The following DCTN5 variants were observed in gnomAD, a reference collection of about 807,000 sequenced individuals.
DCTN5 encodes the protein dynactin 4.
A neutral mutation model predicts 23.5 loss-of-function variants in DCTN5; 14 were observed. The ratio of observed to expected loss-of-function variants is 0.60; its 90% CI spans 0.39 to 0.93. The LOEUF is 0.93. DCTN5 is among the 40% of genes least tolerant of loss of function. The pLI is 0.00. For synonymous variants in DCTN5, 67 were observed against 79.6 expected (o/e 0.84, Z 0.84); for missense variants, 156 against 225.9 (o/e 0.69, Z 1.98).
rs1959233529 is a variant in DCTN5, at chr16:23,677,141, T to G, written c.*9997T>G. The G allele has an allele frequency of 6.6e-6, 1 of 152,266 alleles. No individual in the cohort carries two copies. The highest frequency in any genetic ancestry group is 2.4e-5 in the African/African-American group (1 of 41,454). 9.4% of individuals were successfully genotyped at this position (152,266 alleles called of 1,614,324 possible). On this transcript the variant is annotated 3_prime_UTR_variant, in exon 6 of 6. Coordinates refer to ENST00000300087, the MANE Select transcript of DCTN5 (RefSeq NM_032486.4). Reference sequence around the variant, plus strand: ...GCTTACACCTGGTTTCCCTGGACTTTGTCCATGCGCTTTTTTCCTTTGCTG... The same window carrying G: ...GCTTACACCTGGTTTCCCTGGACTTGGTCCATGCGCTTTTTTCCTTTGCTG...
At chr16:23,655,091 C>T (rs1206183497) in intron 2 of DCTN5, among the ~76,000 whole-genome samples, 1 of 152,148 alleles carries the variant, frequency 6.6e-6, no homozygotes, top group Non-Finnish European at 1.5e-5. Context: ...TCTTTTATGT[C>T]AAGCTTTTTT....
At chr16:23,643,219 TCTCA>T (rs1967344262) in intron 2 of DCTN5, among the ~76,000 whole-genome samples, 196 bp downstream of exon 2, 1 of 151,710 alleles carries the variant, frequency 6.6e-6, no homozygotes, top group Non-Finnish European at 1.5e-5. Flanking sequence ...TTTGAGACAG[TCTCA>T]CTCTGTCGCC....
chr16:23,650,974 T>G, intron 2 of DCTN5: 1 of 1,405,248 alleles, frequency 7.1e-7, no homozygotes, highest in Non-Finnish European at 9.4e-7. Flanking sequence ...AGCGTCTGAT[T>G]CTTTTTCAAA....
intron 4 of DCTN5, among the ~76,000 whole-genome samples, chr16:23,663,176 A>C (rs1967846130): frequency 6.6e-6 from 1 of 152,186 alleles, no homozygotes; most frequent in African/African-American, 2.4e-5. Context: ...AATTGCTCAG[A>C]TGCCTGAAGG....
intron 2 of DCTN5, among the ~76,000 whole-genome samples, chr16:23,649,542 T>C (rs1418469180): frequency 1.3e-5 from 2 of 152,184 alleles, no homozygotes; most frequent in Non-Finnish European, 2.9e-5. Context: ...TTTAGGTCTT[T>C]AATTCATTTT....
intron 5 of DCTN5, 115 bp from the exon 6 acceptor site, chr16:23,666,928 ATTAT>A: frequency 6.7e-7 from 1 of 1,493,586 alleles, no homozygotes; most frequent in Admixed American, 2.0e-5. Context: ...AGCCTCAGCG[ATTAT>A]TTAAGTGATT....
At chr16:23,664,624 C>G (rs1397175629) in intron 4 of DCTN5, among the ~76,000 whole-genome samples, 1 of 152,192 alleles carries the variant, frequency 6.6e-6, no homozygotes, top group Non-Finnish European at 1.5e-5. Context: ...CAGCTGTAAA[C>G]TGTACACAGA....
rs905916615 is a variant in DCTN5, at chr16:23,675,025, C to T, written c.*7881C>T. ...CAATCCCATTTTAACTTAGTTACCT[C>T]TTCAGGGCCTATCTTCAAATATACT... is the stretch of plus-strand genomic sequence containing the variant. On this transcript the variant is annotated 3_prime_UTR_variant, in exon 6 of 6. Coordinates refer to ENST00000300087, the MANE Select transcript of DCTN5 (RefSeq NM_032486.4). 6.6e-6 allele frequency: 1 copy of T among 152,146 alleles called. No individual in the cohort carries two copies. Among genetic ancestry groups the T allele is most frequent in the Admixed American group, 6.5e-5 (1 of 15,278 alleles). The allele number at this position is 152,146 out of a possible 1,614,324, so 9.4% of individuals were successfully genotyped here. A position where few individuals can be genotyped will look rare whatever the true frequency, so the allele number is the denominator to read the frequency against.
chr16:23,647,423 T>A (rs1967490964), intron 2 of DCTN5, among the ~76,000 whole-genome samples: 1 of 152,116 alleles, frequency 6.6e-6, no homozygotes, highest in Admixed American at 6.5e-5. Flanking sequence ...TATAATAAGT[T>A]TTTAATCATG....
chr16:23,648,344 C>CTTTTTTTT (rs960786045), intron 2 of DCTN5, among the ~76,000 whole-genome samples: 93 of 105,476 alleles, frequency 8.8e-4, no homozygotes, highest in South Asian at 1.6e-3. Flanking sequence ...TTTCTTTTTT[C>CTTTTTTTT]TTTTTTTTTT....
intron 2 of DCTN5, among the ~76,000 whole-genome samples, chr16:23,658,195 C>A (rs530205104): frequency 7.3e-4 from 111 of 152,290 alleles, no homozygotes; most frequent in Non-Finnish European, 1.3e-3. Flanking sequence ...GAGGACTTAC[C>A]TGAGCAAATC....
rs1178676565 is a variant in DCTN5 at position 23,673,997 on chromosome 16, A to G, written c.*6853A>G. ...CAACAAGATAAAAAGGCAGCCTTGCATGTCACTTGGACCACAGCTGTCTGG... is the reference window on the plus strand; with the variant it reads ...CAACAAGATAAAAAGGCAGCCTTGCGTGTCACTTGGACCACAGCTGTCTGG... On this transcript the variant is annotated 3_prime_UTR_variant, in exon 6 of 6. Coordinates refer to ENST00000300087, the MANE Select transcript of DCTN5 (RefSeq NM_032486.4). 1 of 152,242 alleles carries G rather than the reference A, an allele frequency of 6.6e-6. No homozygotes were observed. The highest frequency in any genetic ancestry group is 1.5e-5 in the Non-Finnish European group (1 of 68,050). The allele number at this position is 152,242 out of a possible 1,614,324, so 9.4% of individuals were successfully genotyped here.
At position 23,674,682 on chromosome 16, in the gene DCTN5, G is replaced by T. The variant is rs980269339; in HGVS notation, c.*7538G>T. ...TCATTGAATAATCAGGACAAAAGGG[G>T]TAGAAGATTATGTAAACACATTTTG... On this transcript the variant is annotated 3_prime_UTR_variant, in exon 6 of 6. Transcript: ENST00000300087. 1.3e-5 allele frequency: 2 copies of T among 152,240 alleles called. No individual in the cohort carries two copies. Among genetic ancestry groups the T allele is most frequent in the Non-Finnish European group, 2.9e-5 (2 of 68,044 alleles). The allele number at this position is 152,240 out of a possible 1,614,324, so 9.4% of individuals were successfully genotyped here.
chr16:23,661,793 C>T (rs966509319), intron 4 of DCTN5, among the ~76,000 whole-genome samples: 3 of 151,710 alleles, frequency 2.0e-5, no homozygotes, highest in African/African-American at 4.8e-5. Context: ...TACGGGCAAG[C>T]GTTTATCAAG....
At chr16:23,646,655 C>A (rs249855) in intron 2 of DCTN5, among the ~76,000 whole-genome samples, 1 of 151,908 alleles carries the variant, frequency 6.6e-6, no homozygotes. Context: ...CGGCTCACTG[C>A]AACCTCCGCC....
rs1236939357 is a variant in DCTN5, at chr16:23,675,050, T to C, written c.*7906T>C. ...CTTCAGGGCCTATCTTCAAATATAC[T>C]CACATTTTGAGGTACAGGTAGATGG... is the stretch of plus-strand genomic sequence containing the variant. On this transcript the variant is annotated 3_prime_UTR_variant, in exon 6 of 6. Transcript: ENST00000300087. 6.6e-6 allele frequency: 1 copy of C among 152,176 alleles called. No homozygotes were observed. The highest frequency in any genetic ancestry group is 2.4e-5 in the African/African-American group (1 of 41,444). 9.4% of individuals were successfully genotyped at this position (152,176 alleles called of 1,614,324 possible).
chr16:23,663,054 G>A (rs943797361), intron 4 of DCTN5, among the ~76,000 whole-genome samples: 1 of 152,160 alleles, frequency 6.6e-6, no homozygotes, highest in Admixed American at 6.5e-5. Flanking sequence ...CTCAGCACTG[G>A]AAGTAACTCT....
chr16:23,658,564 C>T lies in DCTN5; in HGVS notation c.175C>T (p.Arg59Cys). The change falls in exon 3 of 6, where the codon CGT becomes TGT. Residue 59 changes from arginine (R) to cysteine (C), a missense_variant. Arg to Cys is a radical substitution (Grantham distance 180, BLOSUM62 -3). Coordinates refer to ENST00000300087, the MANE Select transcript of DCTN5 (RefSeq NM_032486.4). ...GGATCTGGCAAATGTAAGAGTTGGA[C>T]GTCATTGTGTTGTGAAAAGTCGTAG... ...RGDLANVRVG[R>C]HCVVKSRSVI... The T allele has an allele frequency of 1.2e-6, 2 of 1,614,102 alleles. No homozygotes were observed. The highest frequency in any genetic ancestry group is 1.7e-6 in the Non-Finnish European group (2 of 1,180,010).
intron 3 of DCTN5, among the ~76,000 whole-genome samples, chr16:23,659,376 C>T (rs1567232521): frequency 6.6e-6 from 1 of 152,198 alleles, no homozygotes; most frequent in Non-Finnish European, 1.5e-5. Context: ...TTGCTTCTCT[C>T]CTCCTTGACT....
Sources: gnomAD v4.1 joint callset for allele counts (sites outside exome capture counted in the v4.1 genomes callset) on GRCh38, gnomAD v4.1.1 for gene constraint, MANE v1.5 for transcripts, NCBI Gene and HGNC (gene_info 2026-07-23, HGNC 2026-07-21) for gene names.